NAV3: variants seen among roughly 807,000 people sequenced by gnomAD.
NAV3 encodes the protein pore membrane and/or filament interacting like protein 1.
NAV3 carries 87 observed loss-of-function variants against 244.7 expected under a neutral mutation model. The observed-to-expected ratio is 0.36, with a 90% CI of 0.30 to 0.42. The LOEUF is 0.42. Among genes scored for constraint, NAV3 ranks in the 20% least tolerant of loss-of-function variants. The probability of loss-of-function intolerance (pLI) is 1.00; values close to 1 mark genes in which losing one functional copy is unlikely to be tolerated. For synonymous variants in NAV3, 1,126 were observed against 1,042.2 expected (o/e 1.08, Z -1.55); for missense variants, 2,663 against 2,893.3 (o/e 0.92, Z 1.83).
chr12:78,154,316 T>TATATTACTATATATTACTATATA (rs1565731427), intron 22 of NAV3, among the ~76,000 whole-genome samples: 3 of 90,358 alleles, frequency 3.3e-5, no homozygotes, highest in East Asian at 8.8e-4. Context: ...ATATATAGTA[T>TATATTACTATATATTACTATATA]ATATATAGTA....
chr12:77,697,071 C>A (rs1317834502), intron 2 of NAV3, among the ~76,000 whole-genome samples: 1 of 152,162 alleles, frequency 6.6e-6, no homozygotes, highest in African/African-American at 2.4e-5. Flanking sequence ...GTTTCCTTCT[C>A]CCAGAGAAGT....
chr12:77,677,398 T>C (rs1027973826), intron 2 of NAV3, among the ~76,000 whole-genome samples: 2 of 152,196 alleles, frequency 1.3e-5, no homozygotes, highest in African/African-American at 4.8e-5. Flanking sequence ...TGGATATGCT[T>C]AGAAGGGCCC....
chr12:77,835,020 T>C (rs1035099420), intron 1 of NAV3, among the ~76,000 whole-genome samples: 15 of 152,162 alleles, frequency 9.9e-5, no homozygotes, highest in Non-Finnish European at 2.1e-4. Flanking sequence ...TATTTCATTT[T>C]CATGTAAAGG....
intron 1 of NAV3, among the ~76,000 whole-genome samples, chr12:77,912,719 C>T (rs1040429306): frequency 6.6e-6 from 1 of 152,076 alleles, no homozygotes; most frequent in Non-Finnish European, 1.5e-5. Context: ...CAAATTCTGC[C>T]TCCCGGGTTC....
At chr12:78,199,601 A>G in intron 37 of NAV3, 70 bp downstream of exon 37, 1 of 1,128,226 alleles carries the variant, frequency 8.9e-7, no homozygotes, top group Non-Finnish European at 1.2e-6. Flanking sequence ...GCCAGATTGG[A>G]TGGTAGAAAA....
chr12:77,718,626 T>A lies in NAV3; in HGVS notation c.72+146360T>A, dbSNP rs1245725416. Among the ~76,000 whole-genome samples, 4 of 152,232 alleles carry A rather than the reference T, an allele frequency of 2.6e-5. No homozygotes were observed. In the East Asian group the frequency reaches 5.8e-4, roughly 22 times the overall value. ...AAGCCATTTGGATTTTGATGGAGAT[T>A]TATTTGAATATCCAATTCATGTATA... On this transcript the variant is annotated intron_variant, in intron 2 of 8. Transcript: ENST00000550042.
chr12:77,637,536 C>T (rs112972068), intron 2 of NAV3, among the ~76,000 whole-genome samples: 1 of 152,018 alleles, frequency 6.6e-6, no homozygotes, highest in Non-Finnish European at 1.5e-5. Context: ...GTCCTAAACA[C>T]GTTATAAATA....
chr12:77,670,050 T>C (rs1873896982), intron 2 of NAV3, among the ~76,000 whole-genome samples: 2 of 152,070 alleles, frequency 1.3e-5, no homozygotes, highest in African/African-American at 4.8e-5. Flanking sequence ...GATAGACCAT[T>C]CTTGAGGTTA....
chr12:77,873,744 G>GTGTGTGTGTATATA lies in NAV3; in HGVS notation c.243+42041_243+42042insGTGTGTGTATATAT, dbSNP rs776225440. Among the ~76,000 whole-genome samples the GTGTGTGTGTATATA allele has an allele frequency of 3.8e-4, 28 of 73,176 alleles. 1 individual carries two copies. Among genetic ancestry groups the GTGTGTGTGTATATA allele is most frequent in the South Asian group, 2.0e-3 (3 of 1,524 alleles). The allele number at this position is 73,176 out of a possible 152,430, so 48.0% of individuals were successfully genotyped here. A position where few individuals can be genotyped will look rare whatever the true frequency, so the allele number is the denominator to read the frequency against. ...CTTATCTAAATACATATGTGTGTGT[G>GTGTGTGTGTATATA]TATATATATATATATATATATATGT... On this transcript the variant is annotated intron_variant, in intron 1 of 39. Transcript: ENST00000397909.
chr12:77,951,621 TA>T (rs1398005350), intron 3 of NAV3, among the ~76,000 whole-genome samples: 3 of 152,108 alleles, frequency 2.0e-5, no homozygotes, highest in African/African-American at 7.2e-5. Flanking sequence ...CATGCACACG[TA>T]TGTTCATTGC....
intron 12 of NAV3, among the ~76,000 whole-genome samples, chr12:78,113,632 G>T (rs1043719684): frequency 6.6e-6 from 1 of 152,118 alleles, no homozygotes; most frequent in East Asian, 1.9e-4. Context: ...ACAGCAGGGG[G>T]GCCCTGGACC....
intron 2 of NAV3, among the ~76,000 whole-genome samples, chr12:77,722,753 C>T (rs149087085): frequency 6.6e-6 from 1 of 151,944 alleles, no homozygotes; most frequent in African/African-American, 2.4e-5. Context: ...TTGAATTAAT[C>T]CAAATGTTTA....
chr12:77,700,125 C>A (rs1382535863), intron 2 of NAV3, among the ~76,000 whole-genome samples: 3 of 152,074 alleles, frequency 2.0e-5, no homozygotes, highest in Non-Finnish European at 4.4e-5. Context: ...GACCTTAACT[C>A]CTATGTTATA....
chr12:77,930,873 A>G (rs1888714157), intron 1 of NAV3, among the ~76,000 whole-genome samples: 1 of 152,190 alleles, frequency 6.6e-6, no homozygotes, highest in African/African-American at 2.4e-5. Flanking sequence ...ATTTCTCTGT[A>G]TCTTCTAGTT....
chr12:78,059,676 A>AT (rs34356750), intron 12 of NAV3, among the ~76,000 whole-genome samples: 16 of 151,400 alleles, frequency 1.1e-4, no homozygotes, highest in East Asian at 1.9e-4. Context: ...GGCTGGGGAG[A>AT]TTTTTTTTTA....
At chr12:77,728,100 C>T (rs1876961202) in intron 2 of NAV3, among the ~76,000 whole-genome samples, 1 of 151,864 alleles carries the variant, frequency 6.6e-6, no homozygotes, top group Non-Finnish European at 1.5e-5. Context: ...ACGATTCCAT[C>T]CTAGTAGACA....
intron 2 of NAV3, among the ~76,000 whole-genome samples, chr12:77,719,645 C>T (rs1876521356): frequency 2.6e-5 from 4 of 151,996 alleles, no homozygotes; most frequent in Admixed American, 2.6e-4. Context: ...AGATAAATTT[C>T]CCTTGGCCAT....
chr12:78,009,398 C>G (rs1425020116), intron 8 of NAV3, among the ~76,000 whole-genome samples: 4 of 121,298 alleles, frequency 3.3e-5, no homozygotes, highest in African/African-American at 1.2e-4. Context: ...TTGCAGTGAG[C>G]TGAGATCGTG....
At chr12:77,573,622 T>C (rs1021017442) in intron 2 of NAV3, among the ~76,000 whole-genome samples, 2 of 152,192 alleles carry the variant, frequency 1.3e-5, no homozygotes, top group Admixed American at 1.3e-4. Context: ...AATTTCAATC[T>C]AAAGCATTCT....
Sources: allele counts gnomAD v4.1 joint callset (sites outside exome capture counted in the v4.1 genomes callset), GRCh38; gene constraint gnomAD v4.1.1; transcripts MANE v1.5; gene names NCBI Gene and HGNC (gene_info 2026-07-23, HGNC 2026-07-21).